The following SORCS2 variants were observed in gnomAD, a reference collection of about 807,000 sequenced individuals.
SORCS2 encodes sortilin related VPS10 domain containing receptor 2.
In SORCS2, 100 loss-of-function variants were observed where a neutral mutation model predicts 141.6. The ratio of observed to expected loss-of-function variants is 0.71; its 90% CI spans 0.60 to 0.83. SORCS2 has a LOEUF of 0.83. Ranked by LOEUF, SORCS2 falls within the 40% of genes least tolerant of loss-of-function variation. SORCS2 has a pLI of 0.00. For synonymous variants in SORCS2, 789 were observed against 676.9 expected, an observed-to-expected ratio of 1.17 and a Z score of -2.57; for missense variants, 1,646 against 1,560.2, an observed-to-expected ratio of 1.05 and a Z score of -0.93.
At chr4:7,315,939 AT>A (rs747385042) in intron 1 of SORCS2, among the ~76,000 whole-genome samples, 1 of 151,962 alleles carries the variant, frequency 6.6e-6, no homozygotes, top group Non-Finnish European at 1.5e-5. Context: ...TCATCCACCC[AT>A]CCATCCTATC....
At chr4:7,715,107 AGATTTCAC>A in intron 16 of SORCS2, 68 bp from the exon 17 acceptor site, 1 of 1,584,486 alleles carries the variant, frequency 6.3e-7, no homozygotes, top group Non-Finnish European at 8.6e-7. Flanking sequence ...CAGCTCCCCC[AGATTTCAC>A]CCCAACCCTG....
chr4:7,290,959 C>T (rs1716560900), intron 1 of SORCS2, among the ~76,000 whole-genome samples: 1 of 152,100 alleles, frequency 6.6e-6, no homozygotes, highest in African/African-American at 2.4e-5. Flanking sequence ...ATTTAATTGC[C>T]CCAACCTGAT....
At chr4:7,341,258 C>A (rs1720350691) in intron 1 of SORCS2, among the ~76,000 whole-genome samples, 1 of 152,228 alleles carries the variant, frequency 6.6e-6, no homozygotes, top group African/African-American at 2.4e-5. Context: ...CTGCTCTGTT[C>A]CAGCCCCTGG....
intron 1 of SORCS2, among the ~76,000 whole-genome samples, chr4:7,212,580 C>G (rs1275522914): frequency 6.6e-6 from 1 of 152,250 alleles, no homozygotes; most frequent in Non-Finnish European, 1.5e-5. Context: ...GCTTCCTTCT[C>G]AGGCAGTCCT....
intron 1 of SORCS2, among the ~76,000 whole-genome samples, chr4:7,361,306 A>C (rs1721564558): frequency 6.6e-6 from 1 of 152,174 alleles, no homozygotes; most frequent in African/African-American, 2.4e-5. Flanking sequence ...TGTGTCCCTG[A>C]CGCTGCTTCC....
At chr4:7,696,285 G>A (rs1724703472) in intron 11 of SORCS2, among the ~76,000 whole-genome samples, 1 of 152,136 alleles carries the variant, frequency 6.6e-6, no homozygotes, top group African/African-American at 2.4e-5. Context: ...CCATCATCCT[G>A]GAGACTTGGA....
intron 16 of SORCS2, 21 bp downstream of exon 16, chr4:7,714,394 C>T: frequency 6.5e-7 from 1 of 1,546,976 alleles, no homozygotes; most frequent in Non-Finnish European, 8.7e-7. Context: ...GGCTCCTGGC[C>T]ACGAGGCCTC....
At chr4:7,519,008 G>T (rs1733158958) in intron 2 of SORCS2, among the ~76,000 whole-genome samples, 2 of 152,168 alleles carry the variant, frequency 1.3e-5, no homozygotes, top group Admixed American at 1.3e-4. Flanking sequence ...GCAGCCTCGG[G>T]CTTGCAGGCT....
intron 2 of SORCS2, among the ~76,000 whole-genome samples, chr4:7,406,739 CGA>C (rs1248538028): frequency 6.6e-6 from 1 of 151,472 alleles, no homozygotes; most frequent in Non-Finnish European, 1.5e-5. Flanking sequence ...ATTTCTGCTC[CGA>C]TTATTAGTAT....
At chr4:7,731,261 G>T (rs1003378379) in intron 23 of SORCS2, among the ~76,000 whole-genome samples, 2 of 152,180 alleles carry the variant, frequency 1.3e-5, no homozygotes, top group South Asian at 4.1e-4. Context: ...TTAAACCAAG[G>T]TGGTGAAAAG....
intron 14 of SORCS2, among the ~76,000 whole-genome samples, chr4:7,711,803 C>T (rs1444752641): frequency 3.3e-5 from 5 of 152,230 alleles, no homozygotes; most frequent in African/African-American, 1.2e-4. Flanking sequence ...CCCGGCCTAC[C>T]AGGCTGTGCA....
intron 2 of SORCS2, among the ~76,000 whole-genome samples, chr4:7,467,327 C>T (rs1042512785): frequency 1.2e-4 from 18 of 152,150 alleles, no homozygotes; most frequent in African/African-American, 3.9e-4. Flanking sequence ...CCTAGGGCTC[C>T]CACTCAGATC....
intron 3 of SORCS2, among the ~76,000 whole-genome samples, chr4:7,623,754 C>G (rs114858509): frequency 6.6e-6 from 1 of 152,220 alleles, no homozygotes; most frequent in African/African-American, 2.4e-5. Flanking sequence ...TCACGGCTGC[C>G]GCTTATGCGC....
chr4:7,492,933 A>C (rs1291801982), intron 2 of SORCS2, among the ~76,000 whole-genome samples: 1 of 152,188 alleles, frequency 6.6e-6, no homozygotes, highest in Non-Finnish European at 1.5e-5. Context: ...GCAACATAAG[A>C]GCCCCCCAAA....
intron 1 of SORCS2, among the ~76,000 whole-genome samples, chr4:7,386,559 C>A (rs1475931787): frequency 9.9e-6 from 1 of 101,002 alleles, no homozygotes; most frequent in Non-Finnish European, 2.0e-5. Flanking sequence ...GAGATACACA[C>A]GCACATGCAC....
intron 2 of SORCS2, among the ~76,000 whole-genome samples, chr4:7,488,759 C>G (rs1290181000): frequency 6.6e-6 from 1 of 152,234 alleles, no homozygotes; most frequent in Non-Finnish European, 1.5e-5. Context: ...TGTCCGCAGT[C>G]AAATACATCC....
chr4:7,502,944 T>G (rs1732062198), intron 2 of SORCS2, among the ~76,000 whole-genome samples: 1 of 152,256 alleles, frequency 6.6e-6, no homozygotes, highest in Non-Finnish European at 1.5e-5. Context: ...GCTATTTCAC[T>G]TTAAGAATCT....
intron 4 of SORCS2, among the ~76,000 whole-genome samples, chr4:7,641,576 C>T (rs1348293876): frequency 1.3e-5 from 2 of 152,194 alleles, no homozygotes; most frequent in African/African-American, 4.8e-5. Flanking sequence ...TTATTGTCTA[C>T]ACCCAATACA....
At chr4:7,703,818 C>T (rs973721978) in intron 13 of SORCS2, among the ~76,000 whole-genome samples, 3 of 152,190 alleles carry the variant, frequency 2.0e-5, no homozygotes, top group South Asian at 4.1e-4. Flanking sequence ...AAGCCAGTAT[C>T]ACTGTAGTCT....
Sources: gnomAD v4.1 joint callset for allele counts (sites outside exome capture counted in the v4.1 genomes callset) on GRCh38, gnomAD v4.1.1 for gene constraint, MANE v1.5 for transcripts, NCBI Gene and HGNC (gene_info 2026-07-23, HGNC 2026-07-21) for gene names.